SGIP1: variants seen among roughly 807,000 people sequenced by gnomAD.
The protein encoded by SGIP1 is SH3GL interacting endocytic adaptor 1.
Under a neutral mutation model 107.5 loss-of-function variants are expected in SGIP1, and 38 were observed. That is an observed-to-expected ratio of 0.35 (90% CI 0.27 to 0.46). The LOEUF is 0.46. SGIP1 is among the 20% of genes least tolerant of loss of function. SGIP1 has a pLI of 1.00. For synonymous variants in SGIP1, 365 were observed against 366.1 expected (o/e 1.00, Z 0.03); for missense variants, 929 against 1,019.5 (o/e 0.91, Z 1.21).
intron 11 of SGIP1, among the ~76,000 whole-genome samples, chr1:66,672,815 G>A (rs1402365930): frequency 6.6e-6 from 1 of 151,626 alleles, no homozygotes; most frequent in Non-Finnish European, 1.5e-5. Flanking sequence ...GAAACTTCTC[G>A]GTGGCTTTTT....
intron 1 of SGIP1, among the ~76,000 whole-genome samples, chr1:66,591,023 A>AT (rs1329058998): frequency 6.6e-6 from 1 of 152,200 alleles, no homozygotes; most frequent in South Asian, 2.1e-4. Flanking sequence ...ATCAATGTAA[A>AT]TTTTTTAAGG....
At chr1:66,679,858 C>T in intron 14 of SGIP1, 106 bp downstream of exon 14, 1 of 1,025,874 alleles carries the variant, frequency 9.7e-7, no homozygotes, top group Non-Finnish European at 1.4e-6. Context: ...ACAAAAACAT[C>T]ACAATGTTGG....
chr1:66,720,372 A>C (rs953046039), intron 19 of SGIP1, among the ~76,000 whole-genome samples: 3 of 152,224 alleles, frequency 2.0e-5, no homozygotes, highest in African/African-American at 7.2e-5. Context: ...GTGAGGAAAG[A>C]ATTGCTTTTA....
chr1:66,676,071 C>T (rs2085250147), intron 12 of SGIP1, among the ~76,000 whole-genome samples: 4 of 152,154 alleles, frequency 2.6e-5, no homozygotes, highest in African/African-American at 9.7e-5. Context: ...GTTTTATAGA[C>T]ATTTTATATA....
At chr1:66,556,540 A>G (rs1262758724) in intron 1 of SGIP1, among the ~76,000 whole-genome samples, 3 of 152,048 alleles carry the variant, frequency 2.0e-5, no homozygotes, top group Admixed American at 1.3e-4. Flanking sequence ...CAGGCTTGCA[A>G]TGGAGCTGGA....
intron 7 of SGIP1, among the ~76,000 whole-genome samples, chr1:66,647,484 A>C (rs2077856917): frequency 6.6e-6 from 1 of 152,206 alleles, no homozygotes; most frequent in Admixed American, 6.5e-5. Flanking sequence ...AAAAGACAAA[A>C]GAACAAATGG....
chr1:66,574,958 A>T (rs2060867314), intron 1 of SGIP1, among the ~76,000 whole-genome samples: 1 of 152,168 alleles, frequency 6.6e-6, no homozygotes, highest in African/African-American at 2.4e-5. Flanking sequence ...GATTATTTTT[A>T]AATGTTCTTC....
At chr1:66,733,268 C>T (rs558187926) in intron 20 of SGIP1, among the ~76,000 whole-genome samples, 1 of 152,260 alleles carries the variant, frequency 6.6e-6, no homozygotes, top group African/African-American at 2.4e-5. Context: ...TCACTCTTTT[C>T]TGCTTAGTTG....
intron 1 of SGIP1, among the ~76,000 whole-genome samples, chr1:66,618,271 C>T (rs534168858): frequency 4.6e-5 from 7 of 152,210 alleles, no homozygotes; most frequent in Non-Finnish European, 1.0e-4. Context: ...CCTGTGTACT[C>T]AGATTGGTCC....
At position 66,729,368 on chromosome 1, in the gene SGIP1, T is replaced by C. The variant is rs1179886025; in HGVS notation, c.1847T>C (p.Ile616Thr). 1.9e-6 allele frequency: 3 copies of C among 1,614,022 alleles called. No homozygotes were observed. Among genetic ancestry groups the C allele is most frequent in the Non-Finnish European group, 2.5e-6 (3 of 1,180,014 alleles). ...PSPAALTFRVINFSRLEHVLP... is the reference protein window; with the variant it reads ...PSPAALTFRVTNFSRLEHVLP... ...CCAGCTGCTCTGACTTTTCGGGTGA[T>C]AAATTTCAGCAGGTTAGAACACGTC... The change falls in exon 20 of 25, where the codon ATA becomes ACA. Residue 616 changes from isoleucine (I) to threonine (T), a missense_variant. This residue lies in a region of SGIP1 where 341 missense variants were observed against 430.9 expected (regional missense o/e 0.79). Coordinates refer to ENST00000371037, the MANE Select transcript of SGIP1 (RefSeq NM_032291.4).
chr1:66,740,849 A>C, intron 23 of SGIP1, 127 bp downstream of exon 23: 1 of 644,380 alleles, frequency 1.6e-6, no homozygotes, highest in Non-Finnish European at 2.7e-6. Context: ...TTTTGCGTTT[A>C]CTTATTTCAA....
intron 1 of SGIP1, among the ~76,000 whole-genome samples, chr1:66,560,768 C>T (rs1327927857): frequency 1.3e-5 from 2 of 152,096 alleles, no homozygotes; most frequent in Non-Finnish European, 2.9e-5. Flanking sequence ...TGAAGCCCAA[C>T]TACCTGGGTT....
intron 1 of SGIP1, among the ~76,000 whole-genome samples, chr1:66,617,932 A>T (rs2069820295): frequency 6.6e-6 from 1 of 152,140 alleles, no homozygotes; most frequent in Non-Finnish European, 1.5e-5. Flanking sequence ...AGGAGCCTGG[A>T]CTCTGGAGTC....
chr1:66,733,585 T>C (rs2094113116), intron 20 of SGIP1, among the ~76,000 whole-genome samples, 163 bp from the exon 21 acceptor site: 2 of 152,216 alleles, frequency 1.3e-5, no homozygotes, highest in South Asian at 4.1e-4. Flanking sequence ...TTCAGAACTG[T>C]ATTTGTATGA....
At chr1:66,689,600 G>A (rs1375745802) in intron 16 of SGIP1, among the ~76,000 whole-genome samples, 4 of 152,190 alleles carry the variant, frequency 2.6e-5, no homozygotes, top group Admixed American at 1.3e-4. Context: ...CTCCAAGAGA[G>A]GGCAAATCCT....
At chr1:66,720,975 A>G (rs1435555568) in intron 19 of SGIP1, among the ~76,000 whole-genome samples, 1 of 152,136 alleles carries the variant, frequency 6.6e-6, no homozygotes, top group Non-Finnish European at 1.5e-5. Flanking sequence ...ACAATTAGTA[A>G]CTCCACCTTT....
chr1:66,594,056 C>A (rs2064154972), intron 1 of SGIP1, among the ~76,000 whole-genome samples: 1 of 152,032 alleles, frequency 6.6e-6, no homozygotes, highest in South Asian at 2.1e-4. Flanking sequence ...TTTCTTTCTT[C>A]ACAACTTAAA....
At chr1:66,556,693 A>T (rs2058228319) in intron 1 of SGIP1, among the ~76,000 whole-genome samples, 1 of 149,240 alleles carries the variant, frequency 6.7e-6, no homozygotes. Context: ...CCTACTTCTG[A>T]TGCCAACTGG....
At position 66,534,346 on chromosome 1, in the gene SGIP1, C is replaced by A. The variant is rs537847118; in HGVS notation, c.-13C>A. ...CAGACTCCTTGGAAATTAAGGAATG[C>A]AATTCTGCCACCATGATGGAAGGTA... On this transcript the variant is annotated 5_prime_UTR_variant, in exon 1 of 25. Coordinates refer to ENST00000371037, the MANE Select transcript of SGIP1 (RefSeq NM_032291.4). 4 of 1,614,096 alleles carry A rather than the reference C, an allele frequency of 2.5e-6. No homozygotes were observed. Among genetic ancestry groups the A allele is most frequent in the Non-Finnish European group, 3.4e-6 (4 of 1,179,960 alleles).
Sources: gnomAD v4.1 joint callset for allele counts (sites outside exome capture counted in the v4.1 genomes callset) on GRCh38, gnomAD v4.1.1 for gene constraint, gnomAD v4.1.1 regional missense constraint, MANE v1.5 for transcripts, NCBI Gene and HGNC (gene_info 2026-07-23, HGNC 2026-07-21) for gene names.